Variants in PCNX3 observed in about 807,000 individuals in gnomAD.
PCNX3 encodes pecanex 3.
PCNX3 carries 58 observed loss-of-function variants against 207.2 expected under a neutral mutation model. The ratio of observed to expected loss-of-function variants is 0.28; its 90% CI spans 0.23 to 0.35. PCNX3 has a LOEUF of 0.35. Ranked by LOEUF, PCNX3 falls within the 10% of genes least tolerant of loss-of-function variation. The pLI is 1.00. For missense variants in PCNX3, 2,410 were observed against 2,774.4 expected (o/e 0.87, Z 2.95); for synonymous variants, 1,337 against 1,183.5 (o/e 1.13, Z -2.66).
intron 27 of PCNX3, among the ~76,000 whole-genome samples, chr11:65,631,886 T>C (rs1316405471): frequency 6.6e-6 from 1 of 152,180 alleles, no homozygotes; most frequent in Non-Finnish European, 1.5e-5. Flanking sequence ...AAGGAAATCC[T>C]GTCCACACCA....
In PCNX3 at chr11:65,634,589, T is replaced by C. The variant is rs1434984632; in HGVS notation, c.4753T>C (p.Cys1585Arg). The C allele has an allele frequency of 1.2e-6, 2 of 1,605,342 alleles. No homozygotes were observed. Among genetic ancestry groups the C allele is most frequent in the Non-Finnish European group, 1.7e-6 (2 of 1,178,954 alleles). The change falls in exon 29 of 35, where the codon TGT (cysteine) becomes CGT (arginine). Residue 1585 changes from cysteine (C) to arginine (R), a missense_variant. By Grantham distance (180) the Cys-to-Arg change is radical (BLOSUM62 -3). Transcript: ENST00000355703. ...SPLVTLCFGL[C>R]VLGRRALGTA... ...GCTGGTCACGCTGTGTTTTGGCCTGTGTGTGCTGGGCCGCCGGGCCCTGGG... is the reference window on the plus strand; with the variant it reads ...GCTGGTCACGCTGTGTTTTGGCCTGCGTGTGCTGGGCCGCCGGGCCCTGGG...
Position 65,625,130 on chromosome 11 carries a change from C to T in PCNX3, c.2920-41C>T. ...ACACGGGGGCAGCCCGGGCCCCATG[C>T]TTACCTCACCTCCCCTGACCAGCAT... On this transcript the variant is annotated intron_variant, in intron 16 of 34. Coordinates refer to ENST00000355703, the MANE Select transcript of PCNX3 (RefSeq NM_032223.4). This position sits in a 1 kb window ranked among gnomAD's most constrained non-coding sequence, Gnocchi z 5.6. 4 of 1,570,356 alleles carry T rather than the reference C, an allele frequency of 2.5e-6. No individual in the cohort carries two copies. Among genetic ancestry groups the T allele is most frequent in the Non-Finnish European group, 2.6e-6 (3 of 1,151,566 alleles).
rs1470855716 is a variant in PCNX3 at position 65,624,341 on chromosome 11, C to T, written c.2691C>T (p.Phe897=). The T allele has an allele frequency of 1.3e-6, 2 of 1,557,678 alleles. No homozygotes were observed. The highest frequency in any genetic ancestry group is 1.4e-5 in the African/African-American group (1 of 73,506). Residue 897 remains phenylalanine (F), a synonymous_variant, in exon 14 of 35, where the codon TTC becomes TTT. Coordinates refer to ENST00000355703, the MANE Select transcript of PCNX3 (RefSeq NM_032223.4). ...YGLTLFSASF[F]FCARDVATVF... ...TCACGCTCTTCTCTGCCTCCTTCTT[C>T]TTCTGTGCCCGAGACGTGGCCACTG...
chr11:65,636,598 G>A lies in PCNX3; in HGVS notation c.5801G>A (p.Gly1934Glu). Residue 1934 changes from glycine to glutamate, a missense_variant, in exon 34 of 35, where the codon GGA (glycine) becomes GAA (glutamate). This residue lies in a region of PCNX3 where 278 missense variants were observed against 245.1 expected (regional missense o/e 1.13). Coordinates refer to ENST00000355703, the MANE Select transcript of PCNX3 (RefSeq NM_032223.4). ...PGLLSSEGPS[G>E]KWSLGGRKGL... ...CTCCTCAGTTCTGAGGGCCCCAGTGGAAAGTGGAGCCTGGGGGGCCGGAAG... is the reference window on the plus strand; with the variant it reads ...CTCCTCAGTTCTGAGGGCCCCAGTGAAAAGTGGAGCCTGGGGGGCCGGAAG... 6.3e-7 allele frequency: 1 copy of A among 1,590,462 alleles called. No homozygotes were observed. The highest frequency in any genetic ancestry group is 8.5e-7 in the Non-Finnish European group (1 of 1,170,430).
chr11:65,617,527 A>G lies in PCNX3; in HGVS notation c.481+18A>G, dbSNP rs763756426. 2 of 1,613,808 alleles carry G rather than the reference A, an allele frequency of 1.2e-6. No homozygotes were observed. The highest frequency in any genetic ancestry group is 1.1e-5 in the South Asian group (1 of 91,064). On this transcript the variant is annotated intron_variant, in intron 4 of 34. Transcript: ENST00000355703. ...CCTTAGAGGTAGGTGGCTGCTCTTC[A>G]GGGTTGGAGCATAGTGCTGTGGAAC...
Position 65,635,975 on chromosome 11 carries a change from C to T in PCNX3, c.5459+172C>T, listed in dbSNP as rs1855816641. Reference sequence around the variant, plus strand: ...GATGTCACCTTACCCCCAGAGCTGACAGTGGCCTTTAGTCATCAAGCACTG... The same window carrying T: ...GATGTCACCTTACCCCCAGAGCTGATAGTGGCCTTTAGTCATCAAGCACTG... On this transcript the variant is annotated intron_variant, in intron 32 of 34. Transcript: ENST00000355703. The surrounding 1 kb of genome is among the most constrained non-coding windows in gnomAD (Gnocchi z 9.9). Among the ~76,000 whole-genome samples the T allele has an allele frequency of 6.6e-6, 1 of 152,164 alleles. No homozygotes were observed. The highest frequency in any genetic ancestry group is 2.1e-4 in the South Asian group (1 of 4,830).
chr11:65,629,830 C>T (rs1855548904), intron 26 of PCNX3, 95 bp downstream of exon 26: 3 of 1,369,374 alleles, frequency 2.2e-6, no homozygotes, highest in East Asian at 5.0e-5. Flanking sequence ...TCCAGTCCAG[C>T]TCTGTCCAGG....
rs1854716362 is a variant in PCNX3, at chr11:65,616,186, T to G, written c.-126T>G. 4.6e-5 allele frequency: 31 copies of G among 669,446 alleles called. No homozygotes were observed. Among genetic ancestry groups the G allele is most frequent in the Middle Eastern group, 4.7e-4 (1 of 2,136 alleles). 41.5% of individuals were successfully genotyped at this position (669,446 alleles called of 1,614,324 possible). A position where few individuals can be genotyped will look rare whatever the true frequency, so the allele number is the denominator to read the frequency against. On this transcript the variant is annotated 5_prime_UTR_variant, in exon 1 of 35. Transcript: ENST00000355703. ...GCGCGGCCGAGCCCCCCTCCCCCGC[T>G]GGGGGAGGCCATGGCGTGAGCGTGA... is the stretch of plus-strand genomic sequence containing the variant.
At chr11:65,629,193 C>G (rs998356492) in intron 24 of PCNX3, among the ~76,000 whole-genome samples, 164 bp from the exon 25 acceptor site, 1 of 152,164 alleles carries the variant, frequency 6.6e-6, no homozygotes, top group Non-Finnish European at 1.5e-5. Flanking sequence ...GGCTGTGTGT[C>G]CTGTGTGAGT....
At chr11:65,621,649 A>C (rs1855109252) in intron 10 of PCNX3, among the ~76,000 whole-genome samples, 1 of 152,140 alleles carries the variant, frequency 6.6e-6, no homozygotes, top group Non-Finnish European at 1.5e-5. Context: ...TCCAGAGGGA[A>C]GGGTTGCGTG....
rs779435017 is a variant in PCNX3 at position 65,622,382 on chromosome 11, C to G, written c.2357+16C>G. The G allele has an allele frequency of 1.9e-6, 3 of 1,585,500 alleles. No homozygotes were observed. The South Asian group carries it at 3.5e-5, about 18-fold the overall frequency. On this transcript the variant is annotated intron_variant, in intron 11 of 34. Coordinates refer to ENST00000355703, the MANE Select transcript of PCNX3 (RefSeq NM_032223.4). ...TGCTGGACCGGTGAGTGTCCCGCAG[C>G]CTTGGCCCCCAATTCTTGGAAAGCC... is the stretch of plus-strand genomic sequence containing the variant.
intron 32 of PCNX3, 79 bp from the exon 33 acceptor site, chr11:65,636,095 G>C (rs1352970177): frequency 6.5e-7 from 1 of 1,529,686 alleles, no homozygotes; most frequent in African/African-American, 1.4e-5. Flanking sequence ...ACTTGTCCTG[G>C]GGCTGAGGAC....
In PCNX3 at chr11:65,623,525, G is replaced by T. The variant is rs2078304235; in HGVS notation, c.2392G>T (p.Gly798Cys). ...AGTGCTGGAGAACATCTTCGGCGTG[G>T]GCCTGAGCAGCCTTGTGGCCTTCCT... is the stretch of plus-strand genomic sequence containing the variant. ...RGVLENIFGVGLSSLVAFLGY... is the reference protein window; with the variant it reads ...RGVLENIFGVCLSSLVAFLGY... The change falls in exon 12 of 35, where the codon GGC becomes TGC. Residue 798 changes from glycine to cysteine, a missense_variant. Gly to Cys is a radical substitution (Grantham distance 159). This residue lies in a region of PCNX3 where 177 missense variants were observed against 257.5 expected (regional missense o/e 0.69). Transcript: ENST00000355703. 1.2e-6 allele frequency: 2 copies of T among 1,613,392 alleles called. No homozygotes were observed.
intron 27 of PCNX3, among the ~76,000 whole-genome samples, chr11:65,633,639 A>G (rs946405449): frequency 2.6e-5 from 4 of 152,248 alleles, no homozygotes; most frequent in Non-Finnish European, 5.9e-5. Flanking sequence ...CGTGCTGCAC[A>G]GGCACTGAAG....
chr11:65,622,585 C>T (rs1855164425), intron 11 of PCNX3, among the ~76,000 whole-genome samples: 2 of 152,078 alleles, frequency 1.3e-5, no homozygotes, highest in Non-Finnish European at 2.9e-5. Flanking sequence ...TCTGTTTATT[C>T]CAAAGTCCTG....
At chr11:65,629,846 G>A in intron 26 of PCNX3, 111 bp downstream of exon 26, 5 of 1,207,926 alleles carry the variant, frequency 4.1e-6, no homozygotes, top group South Asian at 1.4e-5. Context: ...CCAGGCTGGC[G>A]GGTGGCCTTG....
At position 65,616,146 on chromosome 11, in the gene PCNX3, C is replaced by G; in HGVS notation, c.-166C>G. The G allele has an allele frequency of 2.3e-6, 1 of 435,422 alleles. No homozygotes were observed. The highest frequency in any genetic ancestry group is 3.8e-6 in the Non-Finnish European group (1 of 261,722). The allele number at this position is 435,422 out of a possible 1,614,324, so 27.0% of individuals were successfully genotyped here. On this transcript the variant is annotated 5_prime_UTR_variant, in exon 1 of 35. Transcript: ENST00000355703. ...CTGACTGTCCCGGCCGGCCCCGCCC[C>G]CTGCTCGCACCCTCGCGCGGCCGAG...
chr11:65,619,305 T>A (rs1024837352), intron 6 of PCNX3: 1 of 462,524 alleles, frequency 2.2e-6, no homozygotes, highest in Non-Finnish European at 2.8e-6. Flanking sequence ...AGGACTCTCA[T>A]CATCCACACT....
chr11:65,625,906 G>C lies in PCNX3; in HGVS notation c.3231G>C (p.Ser1077=), dbSNP rs747132456. Residue 1077 remains serine, a splice_region_variant and synonymous_variant, in exon 20 of 35, where the codon TCG becomes TCC. Transcript: ENST00000355703. The surrounding 1 kb of genome is among the most constrained non-coding windows in gnomAD (Gnocchi z 5.6). ...SASTVFIALK[S]VLGFVLYALA... is the part of the protein sequence containing the mutation. Reference sequence around the variant, plus strand: ...TCTCTGGCCTCTCCCTCCTGCAGTCGGTGCTGGGTTTCGTGTTGTACGCAC... The same window carrying C: ...TCTCTGGCCTCTCCCTCCTGCAGTCCGTGCTGGGTTTCGTGTTGTACGCAC... 1 of 1,612,412 alleles carries C rather than the reference G, an allele frequency of 6.2e-7. No individual in the cohort carries two copies. The highest frequency in any genetic ancestry group is 1.3e-5 in the African/African-American group (1 of 74,914).
Sources: gnomAD v4.1 joint callset for allele counts (sites outside exome capture counted in the v4.1 genomes callset) on GRCh38, gnomAD v4.1.1 for gene constraint, gnomAD v4.1.1 regional missense constraint, Gnocchi (gnomAD v3.1) non-coding constraint, MANE v1.5 for transcripts, NCBI Gene and HGNC (gene_info 2026-07-23, HGNC 2026-07-21) for gene names.